The following DDX19B variants were observed in gnomAD, a reference collection of about 807,000 sequenced individuals.
DDX19B encodes DEAD-box helicase 19B, also known as ATP-dependent RNA helicase DDX19B.
Under a neutral mutation model 58.1 loss-of-function variants are expected in DDX19B, and 27 were observed. The ratio of observed to expected loss-of-function variants is 0.46; its 90% confidence interval spans 0.34 to 0.64. The LOEUF (loss-of-function observed/expected upper bound fraction) is 0.64, where lower values mean the gene tolerates loss of function less well. Among genes scored for constraint, DDX19B ranks in the 30% least tolerant of loss-of-function variants. The probability of loss-of-function intolerance (pLI) is 0.01; values close to 1 mark genes in which losing one functional copy is unlikely to be tolerated. For synonymous variants in DDX19B, 187 were observed against 214.4 expected (o/e 0.87, Z 1.12); for missense variants, 399 against 596.5 (o/e 0.67, Z 3.45).
upstream of DDX19B, among the ~76,000 whole-genome samples, chr16:70,293,756 C>T (rs994702824): frequency 2.7e-5 from 4 of 150,354 alleles, no homozygotes; most frequent in African/African-American, 4.9e-5. Flanking sequence ...GGACTACAGG[C>T]GCCCGCCACC....
At chr16:70,304,604 C>A (rs1177147034) in intron 1 of DDX19B, among the ~76,000 whole-genome samples, 6 of 151,758 alleles carry the variant, frequency 4.0e-5, no homozygotes, top group Admixed American at 2.0e-4. Context: ...AACCCCTGAC[C>A]TCAGGTGATC....
chr16:70,298,725 G>A (rs565444459), upstream of DDX19B, among the ~76,000 whole-genome samples: 1 of 152,154 alleles, frequency 6.6e-6, no homozygotes, highest in African/African-American at 2.4e-5. Flanking sequence ...TCCTCTTGGG[G>A]TACAAATTTA....
intron 1 of DDX19B, among the ~76,000 whole-genome samples, chr16:70,307,842 G>GCCTC (rs2152190000): frequency 6.6e-6 from 1 of 151,912 alleles, no homozygotes; most frequent in East Asian, 1.9e-4. Flanking sequence ...TCCCACCTCA[G>GCCTC]CCTCCCTGGT....
At chr16:70,294,761 T>C, upstream of DDX19B, 1 of 1,133,982 alleles carries the variant, frequency 8.8e-7, no homozygotes, top group South Asian at 1.7e-5. Context: ...GCTGACAGGA[T>C]TTCCAGGCCT....
At chr16:70,317,355 T>G (rs1962487087) in intron 4 of DDX19B, 141 bp from the exon 5 acceptor site, 2 of 567,710 alleles carry the variant, frequency 3.5e-6, no homozygotes. Context: ...CACTGCAGCC[T>G]GGGCAATAGA....
rs371151361 is a variant in DDX19B at position 70,299,334 on chromosome 16, C to G, written c.37C>G (p.Gln13Glu). The G allele has an allele frequency of 1.2e-6, 2 of 1,608,692 alleles. No individual in the cohort carries two copies. The highest frequency in any genetic ancestry group is 2.7e-5 in the African/African-American group (2 of 74,744). The change falls in exon 1 of 12, where the codon CAG becomes GAG. Residue 13 changes from glutamine (Q) to glutamate (E), a missense_variant. This residue lies in a region of DDX19B where 132 missense variants were observed against 159.4 expected (regional missense o/e 0.83). Transcript: ENST00000288071. Reference protein sequence around the residue: ...TDSWALAVDEQEAAAESLSNL... With the variant: ...TDSWALAVDEEEAAAESLSNL... ...CTCATGGGCCCTGGCGGTGGACGAG[C>G]AGGAAGCTGCGGCTGAGTCGGTGAG...
intron 2 of DDX19B, among the ~76,000 whole-genome samples, chr16:70,313,367 T>A (rs1345041465): frequency 6.6e-6 from 1 of 151,900 alleles, no homozygotes. Context: ...CCCAGGTTGG[T>A]TTCTAACTCC....
chr16:70,292,014 G>A (rs1961070976), upstream of DDX19B, among the ~76,000 whole-genome samples: 1 of 152,010 alleles, frequency 6.6e-6, no homozygotes, highest in Non-Finnish European at 1.5e-5. Context: ...AGCTAGGCGT[G>A]GTGGCATTCG....
rs1056967453 is a variant in DDX19B, at chr16:70,324,595, T to G, written c.400T>G (p.Leu134Val). ...PLMLAEPPQN[L>V]IAQSQSGTGK... ...TTGTTTCTTGCGCAGCCCACAGAAC[T>G]TAATTGCCCAATCTCAGTCTGGTAC... The change falls in exon 6 of 12, where the codon TTA (leucine) becomes GTA (valine). Residue 134 changes from leucine to valine, a missense_variant. Physicochemically the swap from Leu to Val is conservative, Grantham distance 32. Coordinates refer to ENST00000288071, the MANE Select transcript of DDX19B (RefSeq NM_007242.7). 7 of 1,613,466 alleles carry G rather than the reference T, an allele frequency of 4.3e-6. No homozygotes were observed. The highest frequency in any genetic ancestry group is 5.9e-6 in the Non-Finnish European group (7 of 1,179,892).
intron 5 of DDX19B, among the ~76,000 whole-genome samples, chr16:70,323,569 G>A (rs779557801): frequency 1.6e-4 from 24 of 151,666 alleles, no homozygotes; most frequent in African/African-American, 4.4e-4. Flanking sequence ...GACTACAGGC[G>A]CCCACCACCA....
At chr16:70,322,078 G>A in intron 5 of DDX19B, among the ~76,000 whole-genome samples, 1 of 152,052 alleles carries the variant, frequency 6.6e-6, no homozygotes, top group Non-Finnish European at 1.5e-5. Context: ...AGGCATAGTG[G>A]CTCATGCCTG....
At chr16:70,305,814 G>T (rs1961718527) in intron 1 of DDX19B, among the ~76,000 whole-genome samples, 1 of 152,018 alleles carries the variant, frequency 6.6e-6, no homozygotes, top group Non-Finnish European at 1.5e-5. Context: ...AGGCTGGAGT[G>T]CAGTGGCGCA....
chr16:70,312,721 A>G (rs1962156880), intron 2 of DDX19B, 64 bp downstream of exon 2: 1 of 1,457,428 alleles, frequency 6.9e-7, no homozygotes, highest in South Asian at 1.2e-5. Context: ...GTTTTGGCAT[A>G]ACAACTGTCT....
upstream of DDX19B, among the ~76,000 whole-genome samples, chr16:70,291,187 C>G (rs1048923527): frequency 2.6e-5 from 4 of 152,114 alleles, no homozygotes; most frequent in African/African-American, 9.7e-5. Flanking sequence ...TCCTCACAAC[C>G]TTATCATGAG....
intron 2 of DDX19B, among the ~76,000 whole-genome samples, chr16:70,313,411 A>G (rs1469967663): frequency 6.6e-6 from 1 of 152,152 alleles, no homozygotes; most frequent in African/African-American, 2.4e-5. Flanking sequence ...TCAGCCTCCC[A>G]AAGTGCTGGG....
chr16:70,311,058 T>G (rs1962065096), intron 1 of DDX19B, among the ~76,000 whole-genome samples: 2 of 149,452 alleles, frequency 1.3e-5, no homozygotes, highest in East Asian at 2.0e-4. Context: ...TTTTTTGTTT[T>G]GTTTTGTTTT....
At chr16:70,333,466 C>T (rs1963589626) in intron 11 of DDX19B, 55 bp from the exon 12 acceptor site, 7 of 1,613,634 alleles carry the variant, frequency 4.3e-6, no homozygotes, top group Non-Finnish European at 5.1e-6. Flanking sequence ...ATTGCTGTGG[C>T]CCAAGATGGG....
upstream of DDX19B, among the ~76,000 whole-genome samples, chr16:70,292,880 C>T (rs1273410834): frequency 3.9e-5 from 6 of 151,944 alleles, no homozygotes; most frequent in Admixed American, 3.9e-4. Context: ...CCGAGGCGGG[C>T]AGATCACCTG....
Position 70,334,522 on chromosome 16 carries a change from A to C in DDX19B, c.*940A>C, listed in dbSNP as rs936973167. Reference sequence around the variant, plus strand: ...CCTCAAGGCAGTTCTAGATGTGATCAGCAGTAGTCACAAATTCTTGTTTTG... The same window carrying C: ...CCTCAAGGCAGTTCTAGATGTGATCCGCAGTAGTCACAAATTCTTGTTTTG... On this transcript the variant is annotated 3_prime_UTR_variant, in exon 12 of 12. Coordinates refer to ENST00000288071, the MANE Select transcript of DDX19B (RefSeq NM_007242.7). The C allele has an allele frequency of 5.3e-5, 8 of 152,192 alleles. No homozygotes were observed. The highest frequency in any genetic ancestry group is 5.2e-4 in the Admixed American group (8 of 15,270). 9.4% of individuals were successfully genotyped at this position (152,192 alleles called of 1,614,324 possible). A position where few individuals can be genotyped will look rare whatever the true frequency, so the allele number is the denominator to read the frequency against.
Sources: allele counts gnomAD v4.1 joint callset (sites outside exome capture counted in the v4.1 genomes callset), GRCh38; gene constraint gnomAD v4.1.1; regional missense constraint gnomAD v4.1.1; transcripts MANE v1.5; gene names NCBI Gene and HGNC (gene_info 2026-07-23, HGNC 2026-07-21).